MMP16: variants seen among roughly 807,000 people sequenced by gnomAD.
The protein encoded by MMP16 is matrix metallopeptidase 16, also known as matrix metalloproteinase-16.
A neutral mutation model predicts 67.8 loss-of-function variants in MMP16; 12 were observed. The ratio of observed to expected loss-of-function variants is 0.18; its 90% CI spans 0.11 to 0.29. MMP16 has a LOEUF of 0.29. Ranked by LOEUF, MMP16 falls within the 10% of genes least tolerant of loss-of-function variation. The pLI, the probability that MMP16 is intolerant of heterozygous loss-of-function variation, is 1.00. For missense variants in MMP16, 475 were observed against 765.7 expected, an observed-to-expected ratio of 0.62 and a Z score of 4.48; for synonymous variants, 249 against 255.9, an observed-to-expected ratio of 0.97 and a Z score of 0.26.
At chr8:88,116,834 G>A (rs1336312401) in intron 5 of MMP16, 116 bp from the exon 6 acceptor site, 4 of 910,486 alleles carry the variant, frequency 4.4e-6, no homozygotes, top group Non-Finnish European at 5.1e-6. Context: ...GAACTAAGAG[G>A]TCTTTAAGAT....
chr8:88,261,168 T>C (rs1563576658), intron 1 of MMP16, among the ~76,000 whole-genome samples: 1 of 152,128 alleles, frequency 6.6e-6, no homozygotes, highest in African/African-American at 2.4e-5. Flanking sequence ...AATTTAATCA[T>C]TCCCTCTGGT....
intron 4 of MMP16, among the ~76,000 whole-genome samples, chr8:88,157,078 T>G (rs1221948107): frequency 6.6e-6 from 1 of 152,154 alleles, no homozygotes; most frequent in African/African-American, 2.4e-5. Context: ...TATTGCACTC[T>G]AGTGCAAACA....
At chr8:88,136,071 G>A (rs1024118657) in intron 4 of MMP16, among the ~76,000 whole-genome samples, 3 of 151,860 alleles carry the variant, frequency 2.0e-5, no homozygotes, top group South Asian at 2.1e-4. Context: ...AGAGTAACTC[G>A]GAATAGTTCA....
At chr8:88,288,583 T>C (rs1169888551) in intron 1 of MMP16, among the ~76,000 whole-genome samples, 1 of 152,182 alleles carries the variant, frequency 6.6e-6, no homozygotes, top group African/African-American at 2.4e-5. Context: ...TGTTGCAATA[T>C]AAAACAGTAA....
chr8:88,080,766 G>A (rs1808736381), intron 6 of MMP16, among the ~76,000 whole-genome samples: 1 of 152,102 alleles, frequency 6.6e-6, no homozygotes, highest in African/African-American at 2.4e-5. Flanking sequence ...TTCTGATGTG[G>A]GCGTGGAGAG....
chr8:88,159,867 T>C (rs962914647), intron 4 of MMP16, among the ~76,000 whole-genome samples: 1 of 152,152 alleles, frequency 6.6e-6, no homozygotes, highest in African/African-American at 2.4e-5. Context: ...GTCAAAGGCC[T>C]TTTCTGCATC....
At chr8:88,107,592 A>C (rs1488138030) in intron 6 of MMP16, among the ~76,000 whole-genome samples, 1 of 151,186 alleles carries the variant, frequency 6.6e-6, no homozygotes, top group Non-Finnish European at 1.5e-5. Flanking sequence ...TATTAGAGTG[A>C]ATCTTTTAAT....
At chr8:88,097,000 G>C (rs1252472015) in intron 6 of MMP16, among the ~76,000 whole-genome samples, 1 of 151,776 alleles carries the variant, frequency 6.6e-6, no homozygotes, top group Non-Finnish European at 1.5e-5. Context: ...GACATTCCTA[G>C]GGCAAAATCT....
intron 1 of MMP16, among the ~76,000 whole-genome samples, chr8:88,255,935 T>C (rs1444676759): frequency 2.0e-5 from 3 of 152,174 alleles, no homozygotes; most frequent in Non-Finnish European, 2.9e-5. Flanking sequence ...GCTGGATTCA[T>C]TTTCTCCTAC....
chr8:88,186,658 T>C lies in MMP16; in HGVS notation c.282-60A>G, dbSNP rs913013881. 195 of 1,475,350 alleles carry C rather than the reference T, an allele frequency of 1.3e-4. 1 individual carries two copies. Among genetic ancestry groups the C allele is most frequent in the South Asian group, 3.8e-4 (30 of 78,654 alleles). 91.4% of individuals were successfully genotyped at this position (1,475,350 alleles called of 1,614,324 possible). On this transcript the variant is annotated intron_variant, in intron 2 of 9. Coordinates refer to ENST00000286614, the MANE Select transcript of MMP16 (RefSeq NM_005941.5). ...TTTTCCAGTTATTTACTAACAACCC[T>C]AATCATTAAATTCAAAAGAAAATCA... is the stretch of plus-strand genomic sequence containing the variant.
chr8:88,214,972 G>C (rs540222214), intron 1 of MMP16, among the ~76,000 whole-genome samples: 1 of 151,880 alleles, frequency 6.6e-6, no homozygotes, highest in East Asian at 1.9e-4. Context: ...ATCTGAAAAG[G>C]TACCCTCAGA....
chr8:88,311,294 C>T (rs936704749), intron 1 of MMP16, among the ~76,000 whole-genome samples: 29 of 152,114 alleles, frequency 1.9e-4, no homozygotes, highest in African/African-American at 6.5e-4. Context: ...CTGCTAGAGC[C>T]GAGATCATCA....
At chr8:88,223,288 T>C (rs1313728465) in intron 1 of MMP16, among the ~76,000 whole-genome samples, 1 of 152,128 alleles carries the variant, frequency 6.6e-6, no homozygotes. Context: ...AGTGTGGTGA[T>C]TCCTCAAGGA....
intron 4 of MMP16, among the ~76,000 whole-genome samples, chr8:88,147,900 C>A (rs1487346071): frequency 6.6e-6 from 1 of 151,982 alleles, no homozygotes; most frequent in African/African-American, 2.4e-5. Flanking sequence ...GTATACTTTG[C>A]ACTTTGCATA....
At chr8:88,186,318 T>C in intron 3 of MMP16, 158 bp downstream of exon 3, 1 of 905,226 alleles carries the variant, frequency 1.1e-6, no homozygotes, top group Non-Finnish European at 1.6e-6. Flanking sequence ...TAATGAACAA[T>C]TTACTCTCCT....
At chr8:88,065,371 CTA>C (rs927118780) in intron 7 of MMP16, among the ~76,000 whole-genome samples, 21 of 151,992 alleles carry the variant, frequency 1.4e-4, no homozygotes, top group Non-Finnish European at 3.1e-4. Flanking sequence ...CATAATAAAA[CTA>C]TACTATGGAG....
chr8:88,204,915 A>G (rs1362055826), intron 1 of MMP16, among the ~76,000 whole-genome samples: 6 of 152,166 alleles, frequency 3.9e-5, no homozygotes. Flanking sequence ...CCCGTATCCT[A>G]CAGAAACAAT....
chr8:88,103,741 T>G (rs1325121972), intron 6 of MMP16, among the ~76,000 whole-genome samples: 10 of 151,838 alleles, frequency 6.6e-5, no homozygotes, highest in African/African-American at 2.4e-4. Flanking sequence ...CTCTCTGAAT[T>G]AATTGCCAAA....
chr8:88,187,630 A>G (rs560174437), intron 2 of MMP16, among the ~76,000 whole-genome samples: 2 of 152,302 alleles, frequency 1.3e-5, no homozygotes, highest in East Asian at 3.9e-4. Flanking sequence ...TCTCTAAGTC[A>G]TTTACACATT....
Sources: allele counts gnomAD v4.1 joint callset (sites outside exome capture counted in the v4.1 genomes callset), GRCh38; gene constraint gnomAD v4.1.1; transcripts MANE v1.5; gene names NCBI Gene and HGNC (gene_info 2026-07-23, HGNC 2026-07-21).